Variants in DROSHA observed in about 807,000 individuals in gnomAD.
DROSHA encodes drosha ribonuclease III, also known as ribonuclease 3.
A neutral mutation model predicts 181.9 loss-of-function variants in DROSHA; 56 were observed. The ratio of observed to expected loss-of-function variants is 0.31; its 90% CI spans 0.25 to 0.38. The LOEUF is 0.38. Ranked by LOEUF, DROSHA falls within the 10% of genes least tolerant of loss-of-function variation. DROSHA has a pLI of 1.00. For missense variants in DROSHA, 1,218 were observed against 1,743.5 expected (o/e 0.70, Z 5.37); for synonymous variants, 524 against 591.2 (o/e 0.89, Z 1.65).
intron 11 of DROSHA, among the ~76,000 whole-genome samples, chr5:31,495,685 T>C (rs1186723210): frequency 6.6e-6 from 1 of 152,128 alleles, no homozygotes; most frequent in Non-Finnish European, 1.5e-5. Flanking sequence ...TCCATGAGGG[T>C]ACCAGAGGGA....
chr5:31,503,167 G>A (rs1370897015), intron 11 of DROSHA, among the ~76,000 whole-genome samples: 1 of 152,098 alleles, frequency 6.6e-6, no homozygotes, highest in Non-Finnish European at 1.5e-5. Flanking sequence ...TCTGTCCTTA[G>A]CCACCCCAGA....
intron 11 of DROSHA, among the ~76,000 whole-genome samples, chr5:31,498,454 T>C (rs4867069): frequency 0.33 from 49,899 of 151,984 alleles, 8,459 homozygotes; most frequent in East Asian, 0.58. Flanking sequence ...TGAGTGTTAA[T>C]AGGAAATTTA....
intron 5 of DROSHA, 136 bp downstream of exon 5, chr5:31,525,941 CAG>C (rs771892634): frequency 3.1e-5 from 28 of 894,174 alleles, no homozygotes; most frequent in Non-Finnish European, 3.4e-5. Context: ...CTCTTGAAAA[CAG>C]AGTCCAAAAT....
intron 16 of DROSHA, 149 bp downstream of exon 16, chr5:31,483,405 A>G (rs1751269625): frequency 2.8e-6 from 2 of 723,930 alleles, no homozygotes; most frequent in East Asian, 2.7e-5. Context: ...ATCCACATGT[A>G]TAATTTTACA....
chr5:31,421,228 G>C, intron 30 of DROSHA, 44 bp downstream of exon 30: 4 of 1,486,864 alleles, frequency 2.7e-6, no homozygotes, highest in Non-Finnish European at 3.8e-6. Flanking sequence ...TCTTCACTCT[G>C]CTTTACAGCA....
chr5:31,475,324 T>C (rs980123927), intron 16 of DROSHA, among the ~76,000 whole-genome samples: 2 of 151,912 alleles, frequency 1.3e-5, no homozygotes, highest in African/African-American at 4.8e-5. Flanking sequence ...TCTCAAAAAA[T>C]AAAATAAAAT....
intron 35 of DROSHA, among the ~76,000 whole-genome samples, chr5:31,405,060 A>G (rs1292914389): frequency 6.6e-6 from 1 of 152,346 alleles, no homozygotes; most frequent in East Asian, 1.9e-4. Context: ...TTTAGAGAAT[A>G]GAGAAATGTA....
At chr5:31,438,684 T>C (rs953668547) in intron 23 of DROSHA, among the ~76,000 whole-genome samples, 8 of 152,118 alleles carry the variant, frequency 5.3e-5, no homozygotes, top group African/African-American at 1.9e-4. Context: ...CTACTGCTCA[T>C]GGGCTAGGAC....
At chr5:31,423,008 A>T in intron 28 of DROSHA, 64 bp from the exon 29 acceptor site, 1 of 1,330,354 alleles carries the variant, frequency 7.5e-7, no homozygotes, top group East Asian at 2.9e-5. Flanking sequence ...GCAATGATCA[A>T]TTCTAGGACA....
intron 27 of DROSHA, among the ~76,000 whole-genome samples, chr5:31,428,066 T>C (rs546414689): frequency 1.3e-5 from 2 of 152,328 alleles, no homozygotes; most frequent in South Asian, 4.1e-4. Context: ...AAATCTGTAT[T>C]AAACGCTGCA....
At chr5:31,434,446 T>C (rs1008817387) in intron 25 of DROSHA, among the ~76,000 whole-genome samples, 1 of 152,230 alleles carries the variant, frequency 6.6e-6, no homozygotes, top group Admixed American at 6.5e-5. Flanking sequence ...GTGAGCCTGC[T>C]AAAACCAAGT....
At chr5:31,522,819 A>C (rs538907379) in intron 5 of DROSHA, among the ~76,000 whole-genome samples, 1 of 152,340 alleles carries the variant, frequency 6.6e-6, no homozygotes, top group South Asian at 2.1e-4. Flanking sequence ...GGTGCACTAC[A>C]TCTGCCTGTA....
At chr5:31,499,225 CA>C (rs1753323973) in intron 11 of DROSHA, among the ~76,000 whole-genome samples, 1 of 152,252 alleles carries the variant, frequency 6.6e-6, no homozygotes, top group African/African-American at 2.4e-5. Context: ...GCCTCACTCA[CA>C]GTTCAGCCAA....
At chr5:31,466,358 A>G in intron 18 of DROSHA, 77 bp from the exon 19 acceptor site, 2 of 1,194,398 alleles carry the variant, frequency 1.7e-6, no homozygotes, top group Non-Finnish European at 2.5e-6. Context: ...TTATTTTAAG[A>G]GGCCTCTTCA....
At chr5:31,479,804 C>T (rs1040352250) in intron 16 of DROSHA, among the ~76,000 whole-genome samples, 12 of 151,846 alleles carry the variant, frequency 7.9e-5, no homozygotes, top group Non-Finnish European at 1.8e-4. Context: ...AAGACATGTA[C>T]GTGTTGTTTA....
chr5:31,494,876 G>A (rs1031905561), intron 12 of DROSHA, among the ~76,000 whole-genome samples: 14 of 152,020 alleles, frequency 9.2e-5, no homozygotes, highest in Admixed American at 5.2e-4. Context: ...GGGTTTCACC[G>A]TGTTAGCCAG....
chr5:31,458,000 A>G (rs1747872934), intron 20 of DROSHA, among the ~76,000 whole-genome samples: 3 of 152,232 alleles, frequency 2.0e-5, no homozygotes, highest in Admixed American at 6.5e-5. Context: ...CAGAAAATTG[A>G]GTGTAAATCC....
intron 13 of DROSHA, among the ~76,000 whole-genome samples, chr5:31,489,897 ACGCGGAGTTTCGCTCTTGT>A (rs34034703): frequency 0.81 from 118,695 of 145,640 alleles, 48,423 homozygotes; most frequent in Non-Finnish European, 0.92. Flanking sequence ...TCTTTTTTTG[ACGCGGAGTTTCGCTCTTGT>A]CGCCCAGGCT....
chr5:31,464,160 A>T, intron 20 of DROSHA, 76 bp downstream of exon 20: 2 of 1,226,046 alleles, frequency 1.6e-6, no homozygotes, highest in East Asian at 4.8e-5. Context: ...ATTCTCAATT[A>T]AGAAACCCTC....
Sources: gnomAD v4.1 joint callset for allele counts (sites outside exome capture counted in the v4.1 genomes callset) on GRCh38, gnomAD v4.1.1 for gene constraint, MANE v1.5 for transcripts, NCBI Gene and HGNC (gene_info 2026-07-23, HGNC 2026-07-21) for gene names.